Variants in VPS13D observed in about 807,000 individuals in gnomAD.
VPS13D encodes intermembrane lipid transfer protein VPS13D.
VPS13D carries 187 observed loss-of-function variants against 461.9 expected under a neutral mutation model. That is an observed-to-expected ratio of 0.40 (90% CI 0.36 to 0.46). The LOEUF (loss-of-function observed/expected upper bound fraction) is 0.46, where lower values mean the gene tolerates loss of function less well. Ranked by LOEUF, VPS13D falls within the 20% of genes least tolerant of loss-of-function variation. The pLI, the probability that VPS13D is intolerant of heterozygous loss-of-function variation, is 0.60. For missense variants in VPS13D, 4,711 were observed against 5,364.9 expected, an observed-to-expected ratio of 0.88 and a Z score of 3.81; for synonymous variants, 1,951 against 1,986.3, an observed-to-expected ratio of 0.98 and a Z score of 0.47.
chr1:12,434,694 G>C (rs1421220657), intron 65 of VPS13D, among the ~76,000 whole-genome samples: 2 of 151,596 alleles, frequency 1.3e-5, no homozygotes, highest in Non-Finnish European at 2.9e-5. Context: ...ATACATTTTT[G>C]AAAGCAGTTT....
At chr1:12,484,627 C>G (rs118011277) in intron 67 of VPS13D, among the ~76,000 whole-genome samples, 2,886 of 152,224 alleles carry the variant, frequency 0.019, 107 homozygotes, top group Admixed American at 0.099. Flanking sequence ...CTCGGAGTGT[C>G]CAGTACACAT....
At chr1:12,327,505 TA>T (rs1365916454) in intron 35 of VPS13D, 142 bp from the exon 36 acceptor site, 1 of 235,998 alleles carries the variant, frequency 4.2e-6, no homozygotes, top group Non-Finnish European at 8.4e-6. Context: ...CCTTTTTTAT[TA>T]AGTCCAAGAA....
intron 2 of VPS13D, among the ~76,000 whole-genome samples, chr1:12,236,746 A>T (rs1640159305): frequency 6.6e-6 from 1 of 152,198 alleles, no homozygotes; most frequent in Non-Finnish European, 1.5e-5. Context: ...AGATGCAAAG[A>T]GGACTGAAAT....
At chr1:12,337,302 A>G (rs1346288851) in intron 39 of VPS13D, 1 of 152,204 alleles carries the variant, frequency 6.6e-6, no homozygotes, top group African/African-American at 2.4e-5. Context: ...CCAGGATTGT[A>G]TTCTTTTAGC....
chr1:12,358,500 T>C lies in VPS13D; in HGVS notation c.10040T>C (p.Met3347Thr), dbSNP rs1184263149. The change falls in exon 50 of 70, where the codon ATG becomes ACG. Residue 3347 changes from methionine (M) to threonine (T), a missense_variant. By Grantham distance (81) the Met-to-Thr change is moderately conservative (BLOSUM62 -1). Transcript: ENST00000620676. ...GGAAGGGGGATTCATCCAGAAGGCA[T>C]GCCGGGCTGGTGTCAGGGCTTCTCC... ...RIGRGIHPEG[M>T]PGWCQGFSLD... 6.2e-7 allele frequency: 1 copy of C among 1,614,106 alleles called. No individual in the cohort carries two copies. Among genetic ancestry groups the C allele is most frequent in the African/African-American group, 1.3e-5 (1 of 74,938 alleles).
At chr1:12,478,741 C>G (rs1645670442) in intron 67 of VPS13D, 1 of 453,446 alleles carries the variant, frequency 2.2e-6, no homozygotes, top group Non-Finnish European at 4.5e-6. Flanking sequence ...CTCCCTCCCC[C>G]CGGCCAGAAA....
At chr1:12,464,353 G>T (rs1277610813) in intron 67 of VPS13D, among the ~76,000 whole-genome samples, 1 of 152,170 alleles carries the variant, frequency 6.6e-6, no homozygotes, top group African/African-American at 2.4e-5. Flanking sequence ...CCTGCAATTG[G>T]AATGAGACTT....
chr1:12,468,415 C>T (rs1645519790), intron 67 of VPS13D, among the ~76,000 whole-genome samples: 1 of 152,158 alleles, frequency 6.6e-6, no homozygotes, highest in African/African-American at 2.4e-5. Context: ...AAATCTTTAA[C>T]AAGAGGACCC....
At chr1:12,440,364 G>A (rs949157230) in intron 65 of VPS13D, among the ~76,000 whole-genome samples, 31 of 152,180 alleles carry the variant, frequency 2.0e-4, no homozygotes, top group Admixed American at 1.6e-3. Context: ...TGGCTGTAGA[G>A]GGAAGAGCAG....
chr1:12,456,656 A>G (rs527269438), intron 66 of VPS13D, among the ~76,000 whole-genome samples: 43 of 149,994 alleles, frequency 2.9e-4, no homozygotes, highest in Non-Finnish European at 5.2e-4. Context: ...AAAAAAAAAA[A>G]AAAAGAAAAG....
chr1:12,292,524 C>T (rs372918925), intron 23 of VPS13D, among the ~76,000 whole-genome samples: 3 of 147,462 alleles, frequency 2.0e-5, no homozygotes, highest in East Asian at 4.2e-4. Flanking sequence ...ATTGCAACCT[C>T]TACCTCCCAG....
intron 50 of VPS13D, among the ~76,000 whole-genome samples, chr1:12,358,984 T>C (rs75901135): frequency 0.028 from 4,302 of 152,212 alleles, 108 homozygotes; most frequent in African/African-American, 0.061. Flanking sequence ...GTAAGAAGCA[T>C]TGTTCTCCTT....
chr1:12,315,807 T>C (rs890639657), intron 30 of VPS13D, among the ~76,000 whole-genome samples: 1 of 152,158 alleles, frequency 6.6e-6, no homozygotes, highest in African/African-American at 2.4e-5. Flanking sequence ...GTTTGTTCCA[T>C]CTGGAGAAAC....
chr1:12,509,052 G>C lies in VPS13D; in HGVS notation c.*28G>C. ...CCCCGCTGCTGAGATGGGCGCTCCC[G>C]ACACAGCGCAGACCCACCAGGAGGA... is the stretch of plus-strand genomic sequence containing the variant. On this transcript the variant is annotated 3_prime_UTR_variant, in exon 70 of 70. Coordinates refer to ENST00000620676, the MANE Select transcript of VPS13D (RefSeq NM_015378.4). The C allele has an allele frequency of 6.2e-7, 1 of 1,611,970 alleles. No homozygotes were observed. Among genetic ancestry groups the C allele is most frequent in the Non-Finnish European group, 8.5e-7 (1 of 1,179,118 alleles).
Position 12,508,952 on chromosome 1 carries a change from G to A in VPS13D, c.13095G>A (p.Lys4365=). ...VKLSQEINYA[K]SLYYEQQLML... is the part of the protein sequence containing the mutation. Reference sequence around the variant, plus strand: ...TGTCACAAGAAATAAACTACGCAAAGAGCCTCTACTATGAACAGCAGCTTA... The same window carrying A: ...TGTCACAAGAAATAAACTACGCAAAAAGCCTCTACTATGAACAGCAGCTTA... The change falls in exon 70 of 70, where the codon AAG becomes AAA. Residue 4365 remains lysine, a synonymous_variant. Coordinates refer to ENST00000620676, the MANE Select transcript of VPS13D (RefSeq NM_015378.4). 1 of 1,614,204 alleles carries A rather than the reference G, an allele frequency of 6.2e-7. No individual in the cohort carries two copies. The highest frequency in any genetic ancestry group is 1.1e-5 in the South Asian group (1 of 91,074).
chr1:12,434,262 T>C lies in VPS13D; in HGVS notation c.12333+17435T>C, dbSNP rs562268471. ...CTTGAATTTTGCCCTTTTCTCTGACTTTGACACATCAAGGCAAAAATAGGT... is the reference window on the plus strand; with the variant it reads ...CTTGAATTTTGCCCTTTTCTCTGACCTTGACACATCAAGGCAAAAATAGGT... On this transcript the variant is annotated intron_variant, in intron 65 of 69. Transcript: ENST00000620676. Among the ~76,000 whole-genome samples the C allele has an allele frequency of 1.6e-4, 25 of 152,242 alleles. No individual in the cohort carries two copies. In the South Asian group the frequency reaches 3.5e-3, roughly 21 times the overall value.
intron 47 of VPS13D, 83 bp from the exon 48 acceptor site, chr1:12,355,816 A>G: frequency 7.3e-7 from 1 of 1,375,682 alleles, no homozygotes; most frequent in Non-Finnish European, 9.6e-7. Flanking sequence ...GGTTTTTCCA[A>G]AAGGAATCCA....
At chr1:12,331,506 G>A (rs1023625494) in intron 37 of VPS13D, among the ~76,000 whole-genome samples, 1 of 151,712 alleles carries the variant, frequency 6.6e-6, no homozygotes, top group Admixed American at 6.6e-5. Flanking sequence ...AGGAGATTGA[G>A]ATCATGCTGG....
chr1:12,304,697 A>C lies in VPS13D; in HGVS notation c.6408A>C (p.Thr2136=). 6.2e-7 allele frequency: 1 copy of C among 1,613,992 alleles called. No homozygotes were observed. Among genetic ancestry groups the C allele is most frequent in the South Asian group, 1.1e-5 (1 of 91,074 alleles). ...CCAAGCAGCAAGGGCCGCAACCCAC[A>C]CTGTCTGTTGGCCAAGAGTCCAGTA... ...TSTKQQGPQP[T]LSVGQESSSP... is the part of the protein sequence containing the mutation. The change falls in exon 26 of 70, where the codon ACA becomes ACC. Residue 2136 remains threonine (T), a synonymous_variant. Coordinates refer to ENST00000620676, the MANE Select transcript of VPS13D (RefSeq NM_015378.4).
Sources: gnomAD v4.1 joint callset for allele counts (sites outside exome capture counted in the v4.1 genomes callset) on GRCh38, gnomAD v4.1.1 for gene constraint, MANE v1.5 for transcripts, NCBI Gene and HGNC (gene_info 2026-07-23, HGNC 2026-07-21) for gene names.